The following PITPNB variants were observed in gnomAD, a reference collection of about 807,000 sequenced individuals.
PITPNB encodes phosphatidylinositol transfer protein beta isoform.
Under a neutral mutation model 45.9 loss-of-function variants are expected in PITPNB, and 16 were observed. That is an observed-to-expected ratio of 0.35 (90% CI 0.24 to 0.53). The LOEUF is 0.53. Ranked by LOEUF, PITPNB falls within the 20% of genes least tolerant of loss-of-function variation. The pLI is 0.93. For synonymous variants in PITPNB, 112 were observed against 108.9 expected (o/e 1.03, Z -0.18); for missense variants, 188 against 330.5 (o/e 0.57, Z 3.34).
At chr22:27,911,885 C>G (rs1935934646) in intron 2 of PITPNB, among the ~76,000 whole-genome samples, 1 of 152,162 alleles carries the variant, frequency 6.6e-6, no homozygotes, top group East Asian at 1.9e-4. Context: ...TCAGAAATCT[C>G]AGAGGCCTCC....
intron 3 of PITPNB, among the ~76,000 whole-genome samples, chr22:27,904,992 T>C (rs1458961621): frequency 1.3e-5 from 2 of 152,238 alleles, no homozygotes; most frequent in East Asian, 3.8e-4. Context: ...AAAATACTTC[T>C]GATATTTTTC....
chr22:27,888,268 T>C (rs1390126751), intron 7 of PITPNB, among the ~76,000 whole-genome samples: 2 of 152,190 alleles, frequency 1.3e-5, no homozygotes, highest in Admixed American at 6.5e-5. Flanking sequence ...CAGTTCCCGA[T>C]TGATAAAGAA....
At chr22:27,865,048 T>A (rs1214816037) in intron 8 of PITPNB, among the ~76,000 whole-genome samples, 1 of 152,112 alleles carries the variant, frequency 6.6e-6, no homozygotes. Flanking sequence ...GGTACAAACA[T>A]TCCTAACAAA....
At chr22:27,913,981 C>T (rs955741293) in intron 2 of PITPNB, among the ~76,000 whole-genome samples, 18 of 152,190 alleles carry the variant, frequency 1.2e-4, no homozygotes, top group African/African-American at 4.3e-4. Flanking sequence ...GTAAAGTAGG[C>T]TGCTTCTCTA....
chr22:27,898,632 G>A (rs968418328), intron 3 of PITPNB, among the ~76,000 whole-genome samples: 1 of 152,086 alleles, frequency 6.6e-6, no homozygotes, highest in Non-Finnish European at 1.5e-5. Context: ...ACATTTTATA[G>A]AACAGACCTG....
At chr22:27,913,187 C>T (rs2146430649) in intron 2 of PITPNB, among the ~76,000 whole-genome samples, 1 of 152,252 alleles carries the variant, frequency 6.6e-6, no homozygotes, top group East Asian at 1.9e-4. Flanking sequence ...AACAGGGTGC[C>T]TAGCTTCTCT....
At chr22:27,865,191 A>C (rs1934448852) in intron 8 of PITPNB, among the ~76,000 whole-genome samples, 1 of 152,200 alleles carries the variant, frequency 6.6e-6, no homozygotes, top group Non-Finnish European at 1.5e-5. Flanking sequence ...ACACTGAAAA[A>C]CAAATTGACT....
Position 27,897,904 on chromosome 22 carries a change from G to C in PITPNB, c.198-12C>G. Reference sequence around the variant, plus strand: ...ATGCAGGCACTTTGCTGGGAGAAGAGAGATACTGGATATATTTAACAGCAC... The same window carrying C: ...ATGCAGGCACTTTGCTGGGAGAAGACAGATACTGGATATATTTAACAGCAC... On this transcript the variant is annotated splice_polypyrimidine_tract_variant and intron_variant, in intron 3 of 11. Transcript: ENST00000335272. 4.5e-6 allele frequency: 7 copies of C among 1,555,150 alleles called. No individual in the cohort carries two copies. Among genetic ancestry groups the C allele is most frequent in the Non-Finnish European group, 6.2e-6 (7 of 1,126,292 alleles).
intron 3 of PITPNB, among the ~76,000 whole-genome samples, chr22:27,898,474 C>T (rs1449504121): frequency 6.6e-6 from 1 of 150,582 alleles, no homozygotes; most frequent in African/African-American, 2.4e-5. Flanking sequence ...AACTTCTGAT[C>T]TACTACCCCA....
At chr22:27,918,755 C>A (rs574873147) in intron 1 of PITPNB, among the ~76,000 whole-genome samples, 10 of 152,316 alleles carry the variant, frequency 6.6e-5, no homozygotes, top group Non-Finnish European at 1.3e-4. Flanking sequence ...GGGGACTCCA[C>A]CCCGGACGAC....
At chr22:27,906,328 G>A (rs1935761690) in intron 3 of PITPNB, among the ~76,000 whole-genome samples, 1 of 152,216 alleles carries the variant, frequency 6.6e-6, no homozygotes, top group Non-Finnish European at 1.5e-5. Flanking sequence ...ACCTTGTTAA[G>A]TTTAGCTTTA....
At chr22:27,917,139 G>T (rs1936103717) in intron 1 of PITPNB, among the ~76,000 whole-genome samples, 1 of 152,188 alleles carries the variant, frequency 6.6e-6, no homozygotes, top group East Asian at 1.9e-4. Flanking sequence ...AAAATAATTA[G>T]ACTTTGGGCA....
chr22:27,869,269 C>T (rs987974676), intron 8 of PITPNB, among the ~76,000 whole-genome samples: 1 of 152,136 alleles, frequency 6.6e-6, no homozygotes. Context: ...AATTTCTGCA[C>T]TCAGATTTTA....
intron 2 of PITPNB, 23 bp from the exon 3 acceptor site, chr22:27,911,132 A>T (rs1338057840): frequency 1.3e-6 from 2 of 1,599,424 alleles, no homozygotes; most frequent in Non-Finnish European, 1.7e-6. Context: ...AGAATACAGA[A>T]ACTGAGTAAG....
intron 1 of PITPNB, among the ~76,000 whole-genome samples, chr22:27,914,573 C>T (rs545603197): frequency 6.6e-6 from 1 of 152,122 alleles, no homozygotes; most frequent in East Asian, 1.9e-4. Flanking sequence ...ATTTAGTGTT[C>T]CCAGGACCCC....
intron 9 of PITPNB, 72 bp downstream of exon 9, chr22:27,860,059 G>A: frequency 1.2e-6 from 1 of 832,764 alleles, no homozygotes; most frequent in East Asian, 2.4e-5. Flanking sequence ...TAATAACAGA[G>A]AAGATATCCC....
At chr22:27,871,771 C>A (rs989373766) in intron 8 of PITPNB, among the ~76,000 whole-genome samples, 1 of 152,184 alleles carries the variant, frequency 6.6e-6, no homozygotes, top group African/African-American at 2.4e-5. Context: ...GAAATGTAAT[C>A]CCCAATGTTG....
rs114764223 is a variant in PITPNB, at chr22:27,905,203, A to G, written c.197+5761T>C. Among the ~76,000 whole-genome samples the G allele has an allele frequency of 6.8e-3, 1,029 of 152,292 alleles. 7 individuals carry two copies. The highest frequency in any genetic ancestry group is 0.022 in the African/African-American group (934 of 41,544). ...TCACTCTTGTCTCCCAGGCTGGAGT[A>G]CAATCATTATCTTGGCTCACTGCAA... is the stretch of plus-strand genomic sequence containing the variant. On this transcript the variant is annotated intron_variant, in intron 3 of 11. Coordinates refer to ENST00000335272, the MANE Select transcript of PITPNB (RefSeq NM_012399.5).
Position 27,853,607 on chromosome 22 carries a change from T to A in PITPNB, c.*95A>T, listed in dbSNP as rs1442333134. On this transcript the variant is annotated 3_prime_UTR_variant, in exon 12 of 12. Transcript: ENST00000335272. ...CAACACTGCAAGATACTGGTCAGAT[T>A]CTTCTTCACTCATCACTGGCTGCGC... The A allele has an allele frequency of 2.6e-6, 4 of 1,549,684 alleles. No homozygotes were observed. The highest frequency in any genetic ancestry group is 2.0e-5 in the Admixed American group (1 of 50,990).
Sources: gnomAD v4.1 joint callset for allele counts (sites outside exome capture counted in the v4.1 genomes callset) on GRCh38, gnomAD v4.1.1 for gene constraint, MANE v1.5 for transcripts, NCBI Gene and HGNC (gene_info 2026-07-23, HGNC 2026-07-21) for gene names.